FBXL2: variants seen among roughly 807,000 people sequenced by gnomAD.
FBXL2 encodes F-box/LRR-repeat protein 2.
In FBXL2, 38 loss-of-function variants were observed where a neutral mutation model predicts 69.2. The ratio of observed to expected loss-of-function variants is 0.55; its 90% CI spans 0.42 to 0.72. The LOEUF (loss-of-function observed/expected upper bound fraction) is 0.72, where lower values mean the gene tolerates loss of function less well. FBXL2 is among the 30% of genes least tolerant of loss of function. FBXL2 has a pLI of 0.00. For synonymous variants in FBXL2, 192 were observed against 201.3 expected (o/e 0.95, Z 0.39); for missense variants, 354 against 520.3 (o/e 0.68, Z 3.11).
intron 13 of FBXL2, among the ~76,000 whole-genome samples, chr3:33,379,323 C>T (rs917160099): frequency 2.0e-5 from 3 of 151,852 alleles, no homozygotes; most frequent in Non-Finnish European, 4.4e-5. Flanking sequence ...CAATTCTATA[C>T]ACTCTGTTTT....
At chr3:33,327,027 A>G (rs2038753160) in intron 2 of FBXL2, among the ~76,000 whole-genome samples, 1 of 152,208 alleles carries the variant, frequency 6.6e-6, no homozygotes, top group Non-Finnish European at 1.5e-5. Flanking sequence ...AGTCCTGTTA[A>G]GATTCTGCCT....
At chr3:33,328,801 ATGTGTGTGTGTGTGTG>A (rs60685309) in intron 2 of FBXL2, among the ~76,000 whole-genome samples, 4 of 146,782 alleles carry the variant, frequency 2.7e-5, no homozygotes, top group Admixed American at 6.8e-5. Context: ...GTGTGTGTGC[ATGTGTGTGTGTGTGTG>A]TGTGTGTGTG....
chr3:33,405,295 C>G (rs1231518349), downstream of FBXL2, among the ~76,000 whole-genome samples: 2 of 152,048 alleles, frequency 1.3e-5, no homozygotes, highest in Non-Finnish European at 2.9e-5. Flanking sequence ...AGAGTAAAAT[C>G]TTGGATTTAA....
At chr3:33,302,951 T>A in intron 2 of FBXL2, 1 of 285,346 alleles carries the variant, frequency 3.5e-6, no homozygotes, top group Non-Finnish European at 7.3e-6. Flanking sequence ...TTATGGTTTT[T>A]GTTGGAATCA....
downstream of FBXL2, among the ~76,000 whole-genome samples, chr3:33,406,245 A>G (rs1370828636): frequency 6.6e-6 from 1 of 152,168 alleles, no homozygotes; most frequent in African/African-American, 2.4e-5. Context: ...CCCATCTCAA[A>G]AAAATAAATA....
At chr3:33,296,967 A>C (rs540272689) in intron 1 of FBXL2, among the ~76,000 whole-genome samples, 1 of 152,210 alleles carries the variant, frequency 6.6e-6, no homozygotes, top group Non-Finnish European at 1.5e-5. Context: ...CATTAAATCT[A>C]TAGATTAGTT....
intron 2 of FBXL2, among the ~76,000 whole-genome samples, chr3:33,298,618 G>A (rs1430062849): frequency 6.7e-6 from 1 of 148,870 alleles, no homozygotes. Context: ...ATCATTTGAA[G>A]CTAGGAGGCA....
intron 1 of FBXL2, 136 bp downstream of exon 1, chr3:33,277,651 T>A: frequency 1.1e-6 from 1 of 931,748 alleles, no homozygotes; most frequent in Non-Finnish European, 1.4e-6. Context: ...GCGAGGCTGC[T>A]GGGCAGGGCA....
intron 2 of FBXL2, among the ~76,000 whole-genome samples, chr3:33,351,158 C>T (rs1302959322): frequency 1.3e-5 from 2 of 151,938 alleles, no homozygotes; most frequent in African/African-American, 4.8e-5. Context: ...CCCAGCTACT[C>T]AGGAGGCTGA....
At chr3:33,277,781 C>T (rs974006852) in intron 1 of FBXL2, among the ~76,000 whole-genome samples, 4 of 152,078 alleles carry the variant, frequency 2.6e-5, no homozygotes, top group African/African-American at 4.8e-5. Flanking sequence ...GACCCCCACC[C>T]AGTGGGCCGC....
rs529334317 is a variant in FBXL2, at chr3:33,304,821, A to G, written c.65+7096A>G. ...TCTTTCCAACACTTAGTGTTGTCGCATGTCTTAATTTTTGCCAAAGAAGTG... is the reference window on the plus strand; with the variant it reads ...TCTTTCCAACACTTAGTGTTGTCGCGTGTCTTAATTTTTGCCAAAGAAGTG... On this transcript the variant is annotated intron_variant, in intron 2 of 14. Transcript: ENST00000484457. Among the ~76,000 whole-genome samples, 609 of 152,130 alleles carry G rather than the reference A, an allele frequency of 4.0e-3. 2 individuals are homozygous for G. Among genetic ancestry groups the G allele is most frequent in the South Asian group, 8.1e-3 (39 of 4,822 alleles).
At chr3:33,301,085 A>C (rs1330448016) in intron 2 of FBXL2, among the ~76,000 whole-genome samples, 1 of 152,158 alleles carries the variant, frequency 6.6e-6, no homozygotes, top group African/African-American at 2.4e-5. Flanking sequence ...TCATTAGTTA[A>C]TTCCACAACA....
chr3:33,322,313 C>T lies in FBXL2; in HGVS notation c.65+24588C>T, dbSNP rs192941185. On this transcript the variant is annotated intron_variant, in intron 2 of 14. Coordinates refer to ENST00000484457, the MANE Select transcript of FBXL2 (RefSeq NM_012157.5). Reference sequence around the variant, plus strand: ...CACAGTGGTCTTGATCTCCTGATCTCGTGATCTGCCCACCTCGGCCTCCAA... The same window carrying T: ...CACAGTGGTCTTGATCTCCTGATCTTGTGATCTGCCCACCTCGGCCTCCAA... 1.6e-3 allele frequency among the ~76,000 whole-genome samples: 238 copies of T among 151,950 alleles called. 2 individuals carry two copies. The highest frequency in any genetic ancestry group is 2.7e-3 in the Non-Finnish European group (183 of 67,958).
At chr3:33,416,889 TTAACA>T in the FBXL2 span, 30 of 1,413,612 alleles carry the variant, frequency 2.1e-5, no homozygotes, top group Non-Finnish European at 2.5e-5. Flanking sequence ...ATCACTTTGC[TTAACA>T]TAATTCAAAA....
At chr3:33,303,494 A>T (rs930704645) in intron 2 of FBXL2, among the ~76,000 whole-genome samples, 5 of 152,152 alleles carry the variant, frequency 3.3e-5, no homozygotes, top group East Asian at 1.9e-4. Context: ...TTTTATATCT[A>T]TATTGAGATG....
chr3:33,317,401 T>C (rs894421777), intron 2 of FBXL2: 1 of 454,142 alleles, frequency 2.2e-6, no homozygotes, highest in African/African-American at 2.0e-5. Flanking sequence ...TATGCATTCC[T>C]CTCCATCAGA....
downstream of FBXL2, chr3:33,392,739 T>C (rs1014045501): frequency 1.2e-6 from 1 of 857,600 alleles, no homozygotes; most frequent in Non-Finnish European, 1.8e-6. Flanking sequence ...CGATAATTCA[T>C]GAAGGCAGTG....
intron 4 of FBXL2, among the ~76,000 whole-genome samples, chr3:33,363,579 G>A (rs562805878): frequency 1.4e-4 from 21 of 152,142 alleles, no homozygotes; most frequent in Non-Finnish European, 3.1e-4. Context: ...TTTACCTGGT[G>A]GAATGACTCA....
chr3:33,331,097 A>G (rs1456540297), intron 2 of FBXL2, among the ~76,000 whole-genome samples: 1 of 151,910 alleles, frequency 6.6e-6, no homozygotes, highest in African/African-American at 2.4e-5. Context: ...TTCATTTGCT[A>G]TAATAATGGA....
Sources: allele counts gnomAD v4.1 joint callset (sites outside exome capture counted in the v4.1 genomes callset), GRCh38; gene constraint gnomAD v4.1.1; transcripts MANE v1.5; gene names NCBI Gene and HGNC (gene_info 2026-07-23, HGNC 2026-07-21).